Variants in WDR97 observed in about 807,000 individuals in gnomAD.
WDR97 encodes the protein WD repeat-containing protein 97.
WDR97 carries 111 observed loss-of-function variants against 65.4 expected under a neutral mutation model. The observed-to-expected ratio is 1.70, with a 90% CI of 1.45 to 1.99. The LOEUF (loss-of-function observed/expected upper bound fraction) is 1.99, where lower values mean the gene tolerates loss of function less well. WDR97 is among the 30% of genes most tolerant of loss of function. WDR97 has a pLI of 0.00. For synonymous variants in WDR97, 802 were observed against 397.7 expected (o/e 2.02, Z -12.10); for missense variants, 1,674 against 865.0 (o/e 1.94, Z -11.73).
chr8:144,112,131 G>A lies in WDR97; in HGVS notation c.2882G>A (p.Ser961Asn). Residue 961 changes from serine to asparagine, a missense_variant, in exon 13 of 24, where the codon AGC becomes AAC. Transcript: ENST00000323662. ...CCACCCACCCACCGTAGGGTGCACA[G>A]CAAGGCATCCCAGGTGAGGCTTCCC... Reference protein sequence around the residue: ...PIPPTHRRVHSKASQLLARSS... With the variant: ...PIPPTHRRVHNKASQLLARSS... 2.8e-6 allele frequency: 2 copies of A among 702,100 alleles called. No homozygotes were observed. The highest frequency in any genetic ancestry group is 2.0e-5 in the Admixed American group (1 of 49,972). The allele number at this position is 702,100 out of a possible 1,614,324, so 43.5% of individuals were successfully genotyped here. A position where few individuals can be genotyped will look rare whatever the true frequency, so the allele number is the denominator to read the frequency against.
Position 144,115,958 on chromosome 8 carries a change from C to T in WDR97, c.4611C>T (p.Leu1537=). 2 of 701,170 alleles carry T rather than the reference C, an allele frequency of 2.9e-6. No individual in the cohort carries two copies. The highest frequency in any genetic ancestry group is 5.2e-6 in the Non-Finnish European group (2 of 384,434). The allele number at this position is 701,170 out of a possible 1,614,324, so 43.4% of individuals were successfully genotyped here. A position where few individuals can be genotyped will look rare whatever the true frequency, so the allele number is the denominator to read the frequency against. ...PPREHWYHPI[L]RLQEAKPQRS... ...TTGCCTCCAGGTACCACCCCATCCT[C>T]CGGCTGCAGGAGGCCAAGCCGCAGA... The change falls in exon 23 of 24, where the codon CTC becomes CTT. Residue 1537 remains leucine, a synonymous_variant. Transcript: ENST00000323662.
rs1400025043 is a variant in WDR97 at position 144,109,354 on chromosome 8, T to C, written c.1020T>C (p.Thr340=). Residue 340 remains threonine (T), a synonymous_variant, in exon 5 of 24, where the codon ACT becomes ACC. Transcript: ENST00000323662. ...VGHTGPVTAM[T]VLPNTTLVLS... ...CCACAGGCCCGGTGACGGCTATGAC[T>C]GTGCTCCCGAACACGACCCTGGTGT... The C allele has an allele frequency of 4.3e-6, 3 of 702,606 alleles. No homozygotes were observed. The South Asian group carries it at 4.4e-5, about 10-fold the overall frequency. 43.5% of individuals were successfully genotyped at this position (702,606 alleles called of 1,614,324 possible). A position where few individuals can be genotyped will look rare whatever the true frequency, so the allele number is the denominator to read the frequency against.
rs897927784 is a variant in WDR97 at position 144,113,773 on chromosome 8, C to G, written c.3300C>G (p.Asp1100Glu). The G allele has an allele frequency of 4.3e-6, 3 of 702,660 alleles. No homozygotes were observed. The East Asian group carries it at 8.0e-5, about 19-fold the overall frequency. 43.5% of individuals were successfully genotyped at this position (702,660 alleles called of 1,614,324 possible). ...AGCCTGGGGAGGAGGGGGAGGAAGA[C>G]AAGAAGGAAGAGGAGGAGGAGAAGG... ...GEKPGEEGEE[D>E]KKEEEEEKED... is the part of the protein sequence containing the mutation. Residue 1100 changes from aspartate (D) to glutamate (E), a missense_variant, in exon 17 of 24, where the codon GAC becomes GAG. Coordinates refer to ENST00000323662, the MANE Select transcript of WDR97 (RefSeq NM_001316309.2).
In WDR97 at chr8:144,109,556, C is replaced by T. The variant is rs1239782400; in HGVS notation, c.1222C>T (p.Leu408=). 4.3e-6 allele frequency: 3 copies of T among 696,716 alleles called. No individual in the cohort carries two copies. Among genetic ancestry groups the T allele is most frequent in the East Asian group, 2.7e-5 (1 of 36,884 alleles). 43.2% of individuals were successfully genotyped at this position (696,716 alleles called of 1,614,324 possible). A position where few individuals can be genotyped will look rare whatever the true frequency, so the allele number is the denominator to read the frequency against. Residue 408 remains leucine, a synonymous_variant, in exon 5 of 24, where the codon CTG becomes TTG. Transcript: ENST00000323662. ...VLSLCASSMQ[L]WRVRELYSPL... The stretch of plus-strand genomic sequence containing the variant: ...GTCCCTGTGCGCGAGCAGCATGCAG[C>T]TGTGGCGCGTACGCGAGCTCTACTC...
intron 15 of WDR97, 92 bp from the exon 16 acceptor site, chr8:144,113,348 G>A (rs1471007211): frequency 1.5e-6 from 1 of 689,140 alleles, no homozygotes; most frequent in Non-Finnish European, 2.6e-6. Flanking sequence ...ACTGGCGGCT[G>A]AGGGGCTCTG....
rs1040712947 is a variant in WDR97, at chr8:144,114,410, C to T, written c.3727C>T (p.Leu1243Phe). ...LRLLPNMSSD[L>F]QGQLQGLLVH... ...ACTGCTGCCCAACATGAGCAGTGATCTCCAAGGCCAGCTGCAGGGCCTGCT... is the reference window on the plus strand; with the variant it reads ...ACTGCTGCCCAACATGAGCAGTGATTTCCAAGGCCAGCTGCAGGGCCTGCT... Residue 1243 changes from leucine to phenylalanine, a missense_variant, in exon 19 of 24, where the codon CTC (leucine) becomes TTC (phenylalanine). Leu to Phe is a conservative substitution (Grantham distance 22, BLOSUM62 0). Transcript: ENST00000323662. The T allele has an allele frequency of 2.8e-6, 2 of 702,728 alleles. No homozygotes were observed. The highest frequency in any genetic ancestry group is 1.7e-5 in the African/African-American group (1 of 57,242). The allele number at this position is 702,728 out of a possible 1,614,324, so 43.5% of individuals were successfully genotyped here.
At chr8:144,113,547 C>T (rs1006348595) in intron 16 of WDR97, 30 bp downstream of exon 16, 6 of 688,442 alleles carry the variant, frequency 8.7e-6, no homozygotes, top group Admixed American at 8.1e-5. Flanking sequence ...CGACTCAGCT[C>T]GCCTCCCAGA....
Position 144,111,701 on chromosome 8 carries a change from G to A in WDR97, c.2557G>A (p.Ala853Thr). ...QLRLGLVVPA[A>T]QPPPSWQQRQ... ...GAGGCTGGGGCTAGTGGTCCCAGCA[G>A]CCCAGCCCCCACCCTCCTGGCAGCA... is the stretch of plus-strand genomic sequence containing the variant. Residue 853 changes from alanine (A) to threonine (T), a missense_variant, in exon 12 of 24, where the codon GCC becomes ACC. By Grantham distance (58) the Ala-to-Thr change is moderately conservative. Transcript: ENST00000323662. 1.4e-6 allele frequency: 1 copy of A among 699,166 alleles called. No homozygotes were observed. The allele number at this position is 699,166 out of a possible 1,614,324, so 43.3% of individuals were successfully genotyped here.
chr8:144,113,268 C>T (rs1836583565), intron 15 of WDR97, 172 bp from the exon 16 acceptor site: 6 of 620,294 alleles, frequency 9.7e-6, no homozygotes, highest in South Asian at 9.3e-5. Context: ...TCAGGGTTCT[C>T]CTGCCATCTG....
chr8:144,111,029 C>G (rs775103951), intron 9 of WDR97, 33 bp downstream of exon 9: 2 of 702,152 alleles, frequency 2.8e-6, no homozygotes, highest in South Asian at 1.5e-5. Flanking sequence ...GCAAGGTGGG[C>G]CCCCCTTGCT....
In WDR97 at chr8:144,115,985, G is replaced by A. The variant is rs975922110; in HGVS notation, c.4638G>A (p.Arg1546=). The change falls in exon 23 of 24, where the codon AGG becomes AGA. Residue 1546 remains arginine, a synonymous_variant. Coordinates refer to ENST00000323662, the MANE Select transcript of WDR97 (RefSeq NM_001316309.2). The part of the protein sequence containing the change: ...ILRLQEAKPQ[R]SARSAMRLRG... The stretch of plus-strand genomic sequence containing the variant: ...GGCTGCAGGAGGCCAAGCCGCAGAG[G>A]TCCGCGAGGTCCGCGATGAGACTGA... The A allele has an allele frequency of 1.4e-6, 1 of 700,528 alleles. No homozygotes were observed. The highest frequency in any genetic ancestry group is 2.6e-6 in the Non-Finnish European group (1 of 384,442). The allele number at this position is 700,528 out of a possible 1,614,324, so 43.4% of individuals were successfully genotyped here.
At position 144,114,383 on chromosome 8, in the gene WDR97, A is replaced by C. The variant is rs1285094733; in HGVS notation, c.3700A>C (p.Arg1234=). ...DRVHILQVLL[R]LLPNMSSDLQ... ...TGTGCACATCCTGCAGGTGCTACTG[A>C]GACTGCTGCCCAACATGAGCAGTGA... Residue 1234 remains arginine, a synonymous_variant, in exon 19 of 24, where the codon AGA becomes CGA. Coordinates refer to ENST00000323662, the MANE Select transcript of WDR97 (RefSeq NM_001316309.2). 1.4e-6 allele frequency: 1 copy of C among 702,780 alleles called. No individual in the cohort carries two copies. Among genetic ancestry groups the C allele is most frequent in the Admixed American group, 2.0e-5 (1 of 50,010 alleles). The allele number at this position is 702,780 out of a possible 1,614,324, so 43.5% of individuals were successfully genotyped here. A position where few individuals can be genotyped will look rare whatever the true frequency, so the allele number is the denominator to read the frequency against.
At position 144,109,641 on chromosome 8, in the gene WDR97, C is replaced by CGCCTGCGCACCAGTCGCT. The variant is rs551818005; in HGVS notation, c.1312_1329dup (p.Ala438_Pro443dup). On this transcript the variant is annotated inframe_insertion, in exon 5 of 24. Coordinates refer to ENST00000323662, the MANE Select transcript of WDR97 (RefSeq NM_001316309.2). ...GTGCAGGTGGCGCCCGCGTTGCCCG[C>CGCCTGCGCACCAGTCGCT]GCCTGCGCACCAGTCGCTGCCTACG... is the stretch of plus-strand genomic sequence containing the variant. The CGCCTGCGCACCAGTCGCT allele has an allele frequency of 8.8e-4, 593 of 674,078 alleles. 4 individuals are homozygous for CGCCTGCGCACCAGTCGCT. In the African/African-American group the frequency reaches 0.01, roughly 12 times the overall value. 41.8% of individuals were successfully genotyped at this position (674,078 alleles called of 1,614,324 possible). A position where few individuals can be genotyped will look rare whatever the true frequency, so the allele number is the denominator to read the frequency against.
rs905412066 is a variant in WDR97 at position 144,116,246 on chromosome 8, CA to C, written c.4823del (p.Gln1608ArgfsTer68). ...CCCGCGGCTCCTGCAGCCGGCCCTG[CA>C]GCGCTACTTTCTGCCAGCGGACGCG... ...LPPRLLQPAL[Q>X]RYFLPADADP... is the part of the protein sequence containing the mutation. On this transcript the variant is annotated frameshift_variant, in exon 24 of 24. Transcript: ENST00000323662. LOFTEE classifies it high-confidence loss of function. The C allele has an allele frequency of 1.5e-6, 1 of 675,850 alleles. No individual in the cohort carries two copies. The highest frequency in any genetic ancestry group is 2.7e-6 in the Non-Finnish European group (1 of 370,386). The allele number at this position is 675,850 out of a possible 1,614,324, so 41.9% of individuals were successfully genotyped here.
At position 144,115,484 on chromosome 8, in the gene WDR97, G is replaced by C. The variant is rs1412908512; in HGVS notation, c.4221G>C (p.Ala1407=). 1.4e-6 allele frequency: 1 copy of C among 694,932 alleles called. No homozygotes were observed. 43.0% of individuals were successfully genotyped at this position (694,932 alleles called of 1,614,324 possible). A position where few individuals can be genotyped will look rare whatever the true frequency, so the allele number is the denominator to read the frequency against. ...TGCCTTTGATGGTGGTCTCACCTGC[G>C]GAGCCGCACTCTTTAGCCCCGGAGC... The part of the protein sequence containing the change: ...SEVPLMVVSP[A]EPHSLAPELQ... Residue 1407 remains alanine (A), a synonymous_variant, in exon 22 of 24, where the codon GCG becomes GCC. Coordinates refer to ENST00000323662, the MANE Select transcript of WDR97 (RefSeq NM_001316309.2).
In WDR97 at chr8:144,110,706, T is replaced by A. The variant is rs1408124554; in HGVS notation, c.2138T>A (p.Val713Asp). 4 of 701,398 alleles carry A rather than the reference T, an allele frequency of 5.7e-6. No individual in the cohort carries two copies. Among genetic ancestry groups the A allele is most frequent in the Non-Finnish European group, 1.0e-5 (4 of 384,956 alleles). The allele number at this position is 701,398 out of a possible 1,614,324, so 43.4% of individuals were successfully genotyped here. A position where few individuals can be genotyped will look rare whatever the true frequency, so the allele number is the denominator to read the frequency against. ...LYACSSLDCT[V>D]RIWTAENRLL... ...GCCTGCTCCAGCCTGGACTGCACCGTTCGCATCTGGACTGCTGAGAACCGC... is the reference window on the plus strand; with the variant it reads ...GCCTGCTCCAGCCTGGACTGCACCGATCGCATCTGGACTGCTGAGAACCGC... Residue 713 changes from valine (V) to aspartate (D), a missense_variant, in exon 8 of 24, where the codon GTT becomes GAT. Transcript: ENST00000323662.
chr8:144,115,889 G>T (rs1034746767), intron 22 of WDR97, 31 bp downstream of exon 22: 1 of 698,654 alleles, frequency 1.4e-6, no homozygotes, highest in Non-Finnish European at 2.6e-6. Flanking sequence ...CGGGGCCTGC[G>T]TGGGGCAGCC....
At position 144,110,999 on chromosome 8, in the gene WDR97, G is replaced by A. The variant is rs1322499578; in HGVS notation, c.2304+3G>A. 2 of 702,692 alleles carry A rather than the reference G, an allele frequency of 2.8e-6. No individual in the cohort carries two copies. The highest frequency in any genetic ancestry group is 5.2e-6 in the Non-Finnish European group (2 of 384,996). The allele number at this position is 702,692 out of a possible 1,614,324, so 43.5% of individuals were successfully genotyped here. A position where few individuals can be genotyped will look rare whatever the true frequency, so the allele number is the denominator to read the frequency against. On this transcript the variant is annotated splice_donor_region_variant and intron_variant, in intron 9 of 23. Transcript: ENST00000323662. Reference sequence around the variant, plus strand: ...TGCCTACATCCTACCTAGTTAAGGTGTGTGGTGAGGACAGAGTGAGCAAGG... The same window carrying A: ...TGCCTACATCCTACCTAGTTAAGGTATGTGGTGAGGACAGAGTGAGCAAGG...
At chr8:144,114,201 G>A (rs554586609) in intron 18 of WDR97, 39 bp downstream of exon 18, 115 of 698,726 alleles carry the variant, frequency 1.6e-4, no homozygotes, top group Admixed American at 1.1e-3. Context: ...GCATGGGTTA[G>A]GGTGAGGGAC....
Sources: allele counts gnomAD v4.1 joint callset, GRCh38; gene constraint gnomAD v4.1.1; transcripts MANE v1.5; gene names NCBI Gene and HGNC (gene_info 2026-07-23, HGNC 2026-07-21).